The following EPHA4 variants were observed in gnomAD, a reference collection of about 807,000 sequenced individuals.
EPHA4 encodes EPH receptor A4.
In EPHA4, 19 loss-of-function variants were observed where a neutral mutation model predicts 108.3. The ratio of observed to expected loss-of-function variants is 0.18; its 90% CI spans 0.12 to 0.26. EPHA4 has a LOEUF of 0.26. Among genes scored for constraint, EPHA4 ranks in the 10% least tolerant of loss-of-function variants. The pLI is 1.00. For synonymous variants in EPHA4, 449 were observed against 455.5 expected (o/e 0.99, Z 0.18); for missense variants, 917 against 1,254.0 (o/e 0.73, Z 4.06).
chr2:221,426,663 T>G, intron 15 of EPHA4, 44 bp from the exon 16 acceptor site: 2 of 1,561,574 alleles, frequency 1.3e-6, no homozygotes, highest in Non-Finnish European at 1.7e-6. Context: ...GAGCTACCAG[T>G]GAGACAAGAA....
chr2:221,458,650 C>T (rs1468860115), intron 5 of EPHA4, among the ~76,000 whole-genome samples: 1 of 152,170 alleles, frequency 6.6e-6, no homozygotes, highest in African/African-American at 2.4e-5. Context: ...CCTTTGCCTG[C>T]TCTTTCCACT....
chr2:221,523,939 C>T (rs2106176778), intron 3 of EPHA4, among the ~76,000 whole-genome samples: 2 of 152,174 alleles, frequency 1.3e-5, no homozygotes, highest in Admixed American at 1.3e-4. Context: ...GGGATAAATT[C>T]AAACCCCTTT....
chr2:221,518,150 G>A (rs1383204548), intron 3 of EPHA4, among the ~76,000 whole-genome samples: 1 of 152,136 alleles, frequency 6.6e-6, no homozygotes, highest in African/African-American at 2.4e-5. Context: ...CAGGAAAACT[G>A]AGAAATTGAG....
At chr2:221,561,067 C>A (rs924522414) in intron 3 of EPHA4, among the ~76,000 whole-genome samples, 22 of 152,092 alleles carry the variant, frequency 1.4e-4, no homozygotes, top group African/African-American at 5.3e-4. Flanking sequence ...ACGGTGAAAC[C>A]CCGTCTCTAC....
At chr2:221,468,596 A>G (rs1487051893) in intron 5 of EPHA4, among the ~76,000 whole-genome samples, 2 of 152,314 alleles carry the variant, frequency 1.3e-5, no homozygotes, top group East Asian at 3.9e-4. Context: ...TCAGTCCCCA[A>G]TTAAACAGGT....
At chr2:221,536,061 G>A (rs924733792) in intron 3 of EPHA4, among the ~76,000 whole-genome samples, 3 of 152,140 alleles carry the variant, frequency 2.0e-5, no homozygotes, top group Non-Finnish European at 4.4e-5. Context: ...AGTTTACCAA[G>A]TTCCTATTCT....
At position 221,425,981 on chromosome 2, in the gene EPHA4, G is replaced by A; in HGVS notation, c.*47C>T. 6.7e-7 allele frequency: 1 copy of A among 1,493,686 alleles called. No homozygotes were observed. The allele number at this position is 1,493,686 out of a possible 1,614,324, so 92.5% of individuals were successfully genotyped here. On this transcript the variant is annotated 3_prime_UTR_variant, in exon 17 of 18. Transcript: ENST00000281821. ...TGCAGTTCTTCAATTAAAGTGCATG[G>A]ATGAGGTAAACTAATTTCAAGAGTT...
intron 3 of EPHA4, among the ~76,000 whole-genome samples, chr2:221,551,401 G>C (rs1694158033): frequency 6.6e-6 from 1 of 151,904 alleles, no homozygotes; most frequent in South Asian, 2.1e-4. Flanking sequence ...TTTGGGGAGG[G>C]GTTCTTTTTA....
intron 6 of EPHA4, 31 bp from the exon 7 acceptor site, chr2:221,456,803 G>A (rs1690969370): frequency 3.1e-6 from 5 of 1,609,964 alleles, no homozygotes; most frequent in Non-Finnish European, 4.2e-6. Context: ...ATTGGGGAAG[G>A]TGGCAAAATA....
At position 221,426,112 on chromosome 2, in the gene EPHA4, G is replaced by A. The variant is rs758611672; in HGVS notation, c.2877C>T (p.Ile959=). 2 of 1,614,086 alleles carry A rather than the reference G, an allele frequency of 1.2e-6. No homozygotes were observed. The highest frequency in any genetic ancestry group is 3.3e-5 in the Admixed American group (2 of 60,012). ...TGCTCAAAATCTTATTCTGGTGCGT[G>A]ATGGCTGTGATACCAATTCTTGCCA... The part of the protein sequence containing the change: ...EDLARIGITA[I]THQNKILSSV... The change falls in exon 17 of 18, where the codon ATC becomes ATT. Residue 959 remains isoleucine (I), a synonymous_variant. Coordinates refer to ENST00000281821, the MANE Select transcript of EPHA4 (RefSeq NM_004438.5).
chr2:221,526,852 C>CAAAAAAA (rs528335766), intron 3 of EPHA4, among the ~76,000 whole-genome samples: 2 of 48,590 alleles, frequency 4.1e-5, no homozygotes, highest in Non-Finnish European at 7.1e-5. Context: ...GACTCGGCCT[C>CAAAAAAA]AAAAAAAAAA....
In EPHA4 at chr2:221,444,264, G is replaced by C. The variant is rs10196080; in HGVS notation, c.1775-658C>G. Among the ~76,000 whole-genome samples, 598 of 152,306 alleles carry C rather than the reference G, an allele frequency of 3.9e-3. 4 individuals are homozygous for C. The highest frequency in any genetic ancestry group is 0.014 in the African/African-American group (574 of 41,568). ...ATAAGCATTGTAGCCTAGACATCAG[G>C]AAGTATGATTCAGCCATATCTCATA... is the stretch of plus-strand genomic sequence containing the variant. On this transcript the variant is annotated intron_variant, in intron 9 of 17. Coordinates refer to ENST00000281821, the MANE Select transcript of EPHA4 (RefSeq NM_004438.5).
chr2:221,527,746 C>A (rs1043212617), intron 3 of EPHA4, among the ~76,000 whole-genome samples: 3 of 152,132 alleles, frequency 2.0e-5, no homozygotes, highest in Non-Finnish European at 2.9e-5. Flanking sequence ...CTCACAATAG[C>A]CCGATGAGGT....
At chr2:221,497,830 T>C (rs1692344505) in intron 4 of EPHA4, among the ~76,000 whole-genome samples, 1 of 152,182 alleles carries the variant, frequency 6.6e-6, no homozygotes, top group African/African-American at 2.4e-5. Flanking sequence ...GGTATTTTCA[T>C]GGACCTTTTA....
chr2:221,427,196 C>A (rs1475215426), intron 15 of EPHA4, among the ~76,000 whole-genome samples: 7 of 152,196 alleles, frequency 4.6e-5, no homozygotes, highest in Non-Finnish European at 8.8e-5. Context: ...TTAATCAATC[C>A]ATGCCTGACC....
intron 14 of EPHA4, among the ~76,000 whole-genome samples, chr2:221,431,059 C>G (rs775178751): frequency 1.2e-4 from 19 of 152,168 alleles, no homozygotes; most frequent in Non-Finnish European, 2.6e-4. Context: ...TAACATCCTC[C>G]CCCTGCTTTG....
intron 5 of EPHA4, among the ~76,000 whole-genome samples, chr2:221,472,566 C>A (rs1691520296): frequency 6.6e-6 from 1 of 151,932 alleles, no homozygotes; most frequent in Non-Finnish European, 1.5e-5. Context: ...GGTTCCTAGA[C>A]AAGAATTTTT....
At chr2:221,445,307 TG>T (rs1427797416) in intron 9 of EPHA4, among the ~76,000 whole-genome samples, 1 of 151,798 alleles carries the variant, frequency 6.6e-6, no homozygotes, top group Non-Finnish European at 1.5e-5. Context: ...AGTCTTCTAC[TG>T]GCTGGGTGCG....
intron 5 of EPHA4, among the ~76,000 whole-genome samples, chr2:221,477,101 C>T (rs1691676984): frequency 6.6e-6 from 1 of 151,870 alleles, no homozygotes; most frequent in Admixed American, 6.6e-5. Context: ...AATTGTCCAA[C>T]CCTAGAGAAC....
Sources: gnomAD v4.1 joint callset for allele counts (sites outside exome capture counted in the v4.1 genomes callset) on GRCh38, gnomAD v4.1.1 for gene constraint, MANE v1.5 for transcripts, NCBI Gene and HGNC (gene_info 2026-07-23, HGNC 2026-07-21) for gene names.